The following F5 variants were observed in gnomAD, a reference collection of about 807,000 sequenced individuals.
F5 encodes activated protein c cofactor.
A neutral mutation model predicts 216.4 loss-of-function variants in F5; 138 were observed. The ratio of observed to expected loss-of-function variants is 0.64; its 90% CI spans 0.56 to 0.73. The LOEUF (loss-of-function observed/expected upper bound fraction) is 0.73. F5 is among the 30% of genes least tolerant of loss of function. The pLI, the probability that F5 is intolerant of heterozygous loss-of-function variation, is 0.00. For missense variants in F5, 2,403 were observed against 2,674.0 expected (o/e 0.90, Z 2.24); for synonymous variants, 916 against 930.7 (o/e 0.98, Z 0.29).
intron 3 of F5, among the ~76,000 whole-genome samples, chr1:169,560,989 G>A (rs1486610519): frequency 6.6e-6 from 1 of 152,126 alleles, no homozygotes; most frequent in African/African-American, 2.4e-5. Context: ...AATGTTATTT[G>A]TAAATTAAAG....
intron 3 of F5, among the ~76,000 whole-genome samples, chr1:169,568,778 T>G (rs1660664748): frequency 6.6e-6 from 1 of 152,164 alleles, no homozygotes; most frequent in Non-Finnish European, 1.5e-5. Context: ...TCAGTATTTT[T>G]TAAAAATGAA....
rs1659078669 is a variant in F5, at chr1:169,513,397, G to T, written c.*916C>A. 6.6e-6 allele frequency among the ~76,000 whole-genome samples: 1 copy of T among 151,984 alleles called. No homozygotes were observed. Among genetic ancestry groups the T allele is most frequent in the Non-Finnish European group, 1.5e-5 (1 of 67,980 alleles). Reference sequence around the variant, plus strand: ...AGGATCACTGAATGCCAAGTCCCCAGGGAAAGGAATGATGAAAGGGGAAGT... The same window carrying T: ...AGGATCACTGAATGCCAAGTCCCCATGGAAAGGAATGATGAAAGGGGAAGT... On this transcript the variant is annotated 3_prime_UTR_variant, in exon 25 of 25. Coordinates refer to ENST00000367797, the MANE Select transcript of F5 (RefSeq NM_000130.5).
intron 7 of F5, among the ~76,000 whole-genome samples, chr1:169,554,170 C>G (rs201720178): frequency 5.6e-5 from 5 of 88,496 alleles, no homozygotes; most frequent in South Asian, 3.5e-4. Flanking sequence ...GACCTCCCTA[C>G]CCTCCCTGAA....
chr1:169,535,723 A>G (rs1378140197), intron 14 of F5, among the ~76,000 whole-genome samples: 1 of 152,204 alleles, frequency 6.6e-6, no homozygotes, highest in African/African-American at 2.4e-5. Flanking sequence ...TAATCATAAA[A>G]GAGAATATTG....
intron 7 of F5, 31 bp from the exon 8 acceptor site, chr1:169,552,765 C>T (rs1660203612): frequency 6.5e-7 from 1 of 1,529,100 alleles, no homozygotes; most frequent in Non-Finnish European, 9.0e-7. Context: ...AATTAAACCA[C>T]TTTCTCAAAT....
In F5 at chr1:169,556,636, A is replaced by T. The variant is rs759318113; in HGVS notation, c.952+10T>A. 2 of 1,612,438 alleles carry T rather than the reference A, an allele frequency of 1.2e-6. No homozygotes were observed. The highest frequency in any genetic ancestry group is 1.1e-5 in the South Asian group (1 of 91,052). ...CATTGAGAAGCAAGACTGTCAGGAG[A>T]GTTTCTTGCCTTGCAAATGTTTTGG... On this transcript the variant is annotated intron_variant, in intron 6 of 24. Coordinates refer to ENST00000367797, the MANE Select transcript of F5 (RefSeq NM_000130.5).
Position 169,542,707 on chromosome 1 carries a change from G to C in F5, c.2383C>G (p.Gln795Glu), listed in dbSNP as rs374379051. The C allele has an allele frequency of 5.5e-5, 89 of 1,614,006 alleles. 1 individual carries two copies. In the Admixed American group the frequency reaches 1.5e-3, roughly 27 times the overall value. ...KFTVNNLAEP[Q>E]KAPSHQQATT... ...GCTTGTTGGTGAGAAGGGGCTTTCT[G>C]AGGTTCTGCAAGGTTATTGACAGTG... Residue 795 changes from glutamine to glutamate, a missense_variant, in exon 13 of 25, where the codon CAG becomes GAG. Gln to Glu is a conservative substitution (Grantham distance 29). This residue lies in a region of F5 where 1,425 missense variants were observed against 1,554.8 expected (regional missense o/e 0.92). Transcript: ENST00000367797.
intron 23 of F5, among the ~76,000 whole-genome samples, chr1:169,516,810 G>A (rs1659164645): frequency 6.6e-6 from 1 of 152,076 alleles, no homozygotes; most frequent in Non-Finnish European, 1.5e-5. Flanking sequence ...AATGGAAGGG[G>A]GTTAAGTAAA....
Position 169,586,216 on chromosome 1 carries a change from A to G in F5, c.158+13T>C, listed in dbSNP as rs116416322. On this transcript the variant is annotated intron_variant, in intron 1 of 24. Coordinates refer to ENST00000367797, the MANE Select transcript of F5 (RefSeq NM_000130.5). ...CTCTAGAGAAGCCCACCCGGACTCC[A>G]CACCTGAGTTACCTTGAGTTTGTGG... 2,059 of 1,613,814 alleles carry G rather than the reference A, an allele frequency of 1.3e-3. 23 individuals are homozygous for G. In the African/African-American group the frequency reaches 0.024, roughly 19 times the overall value.
chr1:169,515,797 A>G lies in F5; in HGVS notation c.6346-171T>C, dbSNP rs560609390. The G allele has an allele frequency of 1.6e-3, 1,038 of 633,240 alleles. 7 individuals are homozygous for G. Among genetic ancestry groups the G allele is most frequent in the Middle Eastern group, 7.8e-3 (18 of 2,306 alleles). 39.2% of individuals were successfully genotyped at this position (633,240 alleles called of 1,614,324 possible). On this transcript the variant is annotated intron_variant, in intron 23 of 24. Coordinates refer to ENST00000367797, the MANE Select transcript of F5 (RefSeq NM_000130.5). ...CCTCTTTCTTCTTCATTGCCACAAT[A>G]TGTGTGTAAATTTTTATTGAAGTAT...
rs6035 is a variant in F5, at chr1:169,552,611, T to C, written c.1242A>G (p.Lys414=). 135,297 of 1,613,148 alleles carry C rather than the reference T, an allele frequency of 0.084. 5,881 individuals carry two copies. The highest frequency in any genetic ancestry group is 0.1 in the South Asian group (9,164 of 91,056). Residue 414 remains lysine (K), a synonymous_variant, in exon 8 of 25, where the codon AAA becomes AAG. Coordinates refer to ENST00000367797, the MANE Select transcript of F5 (RefSeq NM_000130.5). ...TAATAGGACCCAAAATCCCATCTTC[T>C]TTCATATTGGGATTCACTGTATGTT... The part of the protein sequence containing the change: ...FTKHTVNPNM[K]EDGILGPIIR...
At position 169,530,860 on chromosome 1, in the gene F5, C is replaced by T. The variant is rs1447393750; in HGVS notation, c.5134G>A (p.Ala1712Thr). ...PNSSYTYVWH[A>T]TERSGPESPG... The stretch of plus-strand genomic sequence containing the variant: ...CTTTCTGGCCCTGATCGCTCAGTGG[C>T]ATGCCATACGTAGGTATAACTGCTA... Residue 1712 changes from alanine to threonine, a missense_variant, in exon 15 of 25, where the codon GCC (alanine) becomes ACC (threonine). Transcript: ENST00000367797. The T allele has an allele frequency of 6.2e-7, 1 of 1,613,986 alleles. No individual in the cohort carries two copies. Among genetic ancestry groups the T allele is most frequent in the Admixed American group, 1.7e-5 (1 of 60,002 alleles).
At chr1:169,571,382 G>C (rs1026332179) in intron 3 of F5, among the ~76,000 whole-genome samples, 3 of 152,108 alleles carry the variant, frequency 2.0e-5, no homozygotes, top group Non-Finnish European at 4.4e-5. Context: ...AATCTTATGG[G>C]TGGTTATAAT....
chr1:169,555,778 C>A (rs1443211055), intron 6 of F5, among the ~76,000 whole-genome samples: 2 of 151,856 alleles, frequency 1.3e-5, no homozygotes, highest in Non-Finnish European at 2.9e-5. Context: ...TTATCCTCAA[C>A]AAAGAAACAA....
intron 3 of F5, among the ~76,000 whole-genome samples, chr1:169,566,170 A>T (rs1660596276): frequency 6.6e-6 from 1 of 152,084 alleles, no homozygotes; most frequent in Admixed American, 6.6e-5. Context: ...ACCTTGAATC[A>T]AGCATGACAG....
Position 169,514,501 on chromosome 1 carries a change from T to G in F5, c.6529-42A>C, listed in dbSNP as rs766554154. The G allele has an allele frequency of 2.5e-6, 4 of 1,585,028 alleles. 1 individual carries two copies. In the South Asian group the frequency reaches 4.4e-5, roughly 18 times the overall value. ...AGAAAATCTTTAATGACAACATAAA[T>G]GGCTAAGGTTTTTTGTTTTTGTTTT... is the stretch of plus-strand genomic sequence containing the variant. On this transcript the variant is annotated intron_variant, in intron 24 of 24. Transcript: ENST00000367797.
chr1:169,511,966 CT>C lies in F5; in HGVS notation c.*2346del, dbSNP rs574679620. Among the ~76,000 whole-genome samples, 286 of 152,034 alleles carry C rather than the reference CT, an allele frequency of 1.9e-3. No homozygotes were observed. The highest frequency in any genetic ancestry group is 6.4e-3 in the African/African-American group (265 of 41,500). ...AGAGAGAGAAATAAAAAGTGGGTAT[CT>C]TTTTTATTTCAAAATAACAGGGGTT... On this transcript the variant is annotated 3_prime_UTR_variant, in exon 25 of 25. Coordinates refer to ENST00000367797, the MANE Select transcript of F5 (RefSeq NM_000130.5).
chr1:169,550,736 C>T lies in F5; in HGVS notation c.1300G>A (p.Val434Met), dbSNP rs574610215. 89 of 1,609,298 alleles carry T rather than the reference C, an allele frequency of 5.5e-5. No individual in the cohort carries two copies. Among genetic ancestry groups the T allele is most frequent in the Middle Eastern group, 3.3e-4 (2 of 6,048 alleles). ...RAQVRDTLKI[V>M]FKNMASRPYS... ...GGGCGGCTGGCCATATTTTTGAACA[C>T]GATCTACAAAGTTAAATCAAATTTA... The change falls in exon 9 of 25, where the codon GTG (valine) becomes ATG (methionine). Residue 434 changes from valine (V) to methionine (M), a missense_variant. By Grantham distance (21) the Val-to-Met change is conservative. This residue lies in a region of F5 where 1,425 missense variants were observed against 1,554.8 expected (regional missense o/e 0.92). Transcript: ENST00000367797.
chr1:169,553,423 A>G (rs971433528), intron 7 of F5, among the ~76,000 whole-genome samples: 2 of 152,186 alleles, frequency 1.3e-5, no homozygotes, highest in African/African-American at 2.4e-5. Context: ...CAAAACCACA[A>G]TGAGGCCGGG....
Sources: allele counts gnomAD v4.1 joint callset (sites outside exome capture counted in the v4.1 genomes callset), GRCh38; gene constraint gnomAD v4.1.1; regional missense constraint gnomAD v4.1.1; transcripts MANE v1.5; gene names NCBI Gene and HGNC (gene_info 2026-07-23, HGNC 2026-07-21).